Variants in IDH1 observed in about 807,000 individuals in gnomAD.
IDH1 encodes isocitrate dehydrogenase [NADP] cytoplasmic.
A neutral mutation model predicts 46.1 loss-of-function variants in IDH1; 33 were observed. The observed-to-expected ratio is 0.72, with a 90% CI of 0.54 to 0.96. The LOEUF (loss-of-function observed/expected upper bound fraction) is 0.96. IDH1 is among the 40% of genes least tolerant of loss of function. IDH1 has a pLI of 0.00. For synonymous variants in IDH1, 144 were observed against 172.8 expected, an observed-to-expected ratio of 0.83 and a Z score of 1.31; for missense variants, 421 against 515.7, an observed-to-expected ratio of 0.82 and a Z score of 1.78.
intron 9 of IDH1, among the ~76,000 whole-genome samples, chr2:208,238,067 G>A (rs1323161925): frequency 1.4e-5 from 2 of 145,250 alleles, no homozygotes; most frequent in South Asian, 2.2e-4. Flanking sequence ...ATGGAGTCTC[G>A]CTCTGTCACG....
chr2:208,253,042 C>T (rs1211584853), intron 2 of IDH1, among the ~76,000 whole-genome samples: 4 of 152,180 alleles, frequency 2.6e-5, no homozygotes, highest in East Asian at 1.9e-4. Context: ...AAAAAGGAGG[C>T]AGTGAACTTA....
chr2:208,239,610 G>A (rs1318113107), intron 8 of IDH1, among the ~76,000 whole-genome samples: 2 of 152,200 alleles, frequency 1.3e-5, no homozygotes. Context: ...AGCCTTATGT[G>A]ACATTTCACT....
chr2:208,248,846 A>C lies in IDH1; in HGVS notation c.123-186T>G, dbSNP rs552730264. Among the ~76,000 whole-genome samples, 4 of 152,334 alleles carry C rather than the reference A, an allele frequency of 2.6e-5. No homozygotes were observed. In the East Asian group the frequency reaches 7.7e-4, roughly 29 times the overall value. On this transcript the variant is annotated intron_variant, in intron 3 of 9. Transcript: ENST00000345146. Reference sequence around the variant, plus strand: ...ATGGGTGCCAACTACAAAGAGAACTAAGAGAGGCTAGACTGCTGGGCTGCC... The same window carrying C: ...ATGGGTGCCAACTACAAAGAGAACTCAGAGAGGCTAGACTGCTGGGCTGCC...
intron 2 of IDH1, among the ~76,000 whole-genome samples, chr2:208,253,685 A>G (rs1196706195): frequency 6.6e-6 from 1 of 152,244 alleles, no homozygotes; most frequent in Non-Finnish European, 1.5e-5. Flanking sequence ...TTCATGAACT[A>G]CAATAATTTC....
chr2:208,247,744 T>C (rs112185121), intron 4 of IDH1: 1 of 153,192 alleles, frequency 6.5e-6, no homozygotes, highest in African/African-American at 2.4e-5. Context: ...CCTCAAGCAG[T>C]GCTTCCAAAT....
At chr2:208,251,744 TTGAG>T (rs1376202288) in intron 2 of IDH1, among the ~76,000 whole-genome samples, 177 bp from the exon 3 acceptor site, 1 of 152,220 alleles carries the variant, frequency 6.6e-6, no homozygotes, top group Non-Finnish European at 1.5e-5. Flanking sequence ...ACCATTAGAA[TTGAG>T]TATCTTCTCT....
intron 7 of IDH1, among the ~76,000 whole-genome samples, chr2:208,241,642 A>G (rs959714583): frequency 6.6e-5 from 10 of 152,072 alleles, no homozygotes; most frequent in African/African-American, 2.4e-4. Flanking sequence ...TTATGACATG[A>G]TCAAGCTCCT....
Position 208,236,920 on chromosome 2 carries a change from A to G in IDH1, c.*159T>C, listed in dbSNP as rs533578934. Reference sequence around the variant, plus strand: ...CACAAAGGTGGCAATAACTGTATATATAAGAAAAAGGCTGTAAACTTATAG... The same window carrying G: ...CACAAAGGTGGCAATAACTGTATATGTAAGAAAAAGGCTGTAAACTTATAG... On this transcript the variant is annotated 3_prime_UTR_variant, in exon 10 of 10. Transcript: ENST00000345146. 10 of 611,422 alleles carry G rather than the reference A, an allele frequency of 1.6e-5. No homozygotes were observed. The East Asian group carries it at 2.5e-4, about 15-fold the overall frequency. The allele number at this position is 611,422 out of a possible 1,614,324, so 37.9% of individuals were successfully genotyped here.
At chr2:208,251,644 T>G (rs1688125614) in intron 2 of IDH1, 77 bp from the exon 3 acceptor site, 1 of 1,216,746 alleles carries the variant, frequency 8.2e-7, no homozygotes, top group East Asian at 2.3e-5. Context: ...GTAGTGTTTA[T>G]ATAAACAACG....
chr2:208,241,979 G>A lies in IDH1; in HGVS notation c.850+15C>T. The A allele has an allele frequency of 1.9e-6, 3 of 1,611,620 alleles. 1 individual carries two copies. The highest frequency in any genetic ancestry group is 2.2e-5 in the South Asian group (2 of 90,968). On this transcript the variant is annotated intron_variant, in intron 7 of 9. Coordinates refer to ENST00000345146, the MANE Select transcript of IDH1 (RefSeq NM_005896.4). ...GAATGACCCTGTTCCTACAGGCCAG[G>A]CTCCACCTCTGTACCTTGGGCCACA... is the stretch of plus-strand genomic sequence containing the variant.
chr2:208,249,989 G>A (rs910436915), intron 3 of IDH1, among the ~76,000 whole-genome samples: 3 of 152,096 alleles, frequency 2.0e-5, no homozygotes, highest in African/African-American at 4.8e-5. Flanking sequence ...AGAAAGGAAG[G>A]AACAAATTGC....
In IDH1 at chr2:208,239,046, A is replaced by G. The variant is rs771701369; in HGVS notation, c.1154+25T>C. ...TGAGGATAAGTGTTAATTTGACCAT[A>G]GAAACTAGGGCATCTTATACTTACT... On this transcript the variant is annotated intron_variant, in intron 9 of 9. Coordinates refer to ENST00000345146, the MANE Select transcript of IDH1 (RefSeq NM_005896.4). The G allele has an allele frequency of 3.1e-6, 5 of 1,607,582 alleles. No homozygotes were observed. The African/African-American group carries it at 4.0e-5, about 13-fold the overall frequency.
rs933729987 is a variant in IDH1, at chr2:208,243,353, G to A, written c.698+74C>T. 1.1e-5 allele frequency: 12 copies of A among 1,098,830 alleles called. No individual in the cohort carries two copies. The African/African-American group carries it at 1.4e-4, about 13-fold the overall frequency. The allele number at this position is 1,098,830 out of a possible 1,614,324, so 68.1% of individuals were successfully genotyped here. On this transcript the variant is annotated intron_variant, in intron 6 of 9. Transcript: ENST00000345146. ...AATTTACCCAGAATCATAGGGATAG[G>A]GAGATACATACTCTATATGCAAATG...
At chr2:208,251,082 A>G (rs746688807) in intron 3 of IDH1, among the ~76,000 whole-genome samples, 1 of 152,218 alleles carries the variant, frequency 6.6e-6, no homozygotes, top group Non-Finnish European at 1.5e-5. Context: ...TGATAAATCC[A>G]GTTTTTCTAG....
At chr2:208,245,924 G>C (rs1224870476) in intron 4 of IDH1, among the ~76,000 whole-genome samples, 1 of 152,030 alleles carries the variant, frequency 6.6e-6, no homozygotes, top group Admixed American at 6.6e-5. Flanking sequence ...CTTACTCTAT[G>C]CCAGATGCTT....
chr2:208,249,969 TAAG>T (rs554912996), intron 3 of IDH1, among the ~76,000 whole-genome samples: 70 of 152,298 alleles, frequency 4.6e-4, no homozygotes, highest in African/African-American at 1.5e-3. Flanking sequence ...TTAACATTTC[TAAG>T]AAGATAAGAA....
chr2:208,253,009 T>A (rs1027029879), intron 2 of IDH1, among the ~76,000 whole-genome samples: 8 of 152,254 alleles, frequency 5.3e-5, no homozygotes, highest in African/African-American at 1.9e-4. Flanking sequence ...CTGTCACACC[T>A]ATCCTTGTTT....
At chr2:208,237,692 G>A (rs1356436916) in intron 9 of IDH1, among the ~76,000 whole-genome samples, 1 of 151,620 alleles carries the variant, frequency 6.6e-6, no homozygotes, top group African/African-American at 2.4e-5. Flanking sequence ...GGGCCAAGGC[G>A]GGTGGATCAT....
intron 2 of IDH1, among the ~76,000 whole-genome samples, chr2:208,251,828 C>A (rs937409289): frequency 1.3e-5 from 2 of 152,026 alleles, no homozygotes; most frequent in Middle Eastern, 3.2e-3. Context: ...AAAAAAATGG[C>A]CATCATTTCC....
Sources: allele counts gnomAD v4.1 joint callset (sites outside exome capture counted in the v4.1 genomes callset), GRCh38; gene constraint gnomAD v4.1.1; transcripts MANE v1.5; gene names NCBI Gene and HGNC (gene_info 2026-07-23, HGNC 2026-07-21).